Variants in PTPRZ1 observed in about 807,000 individuals in gnomAD.
PTPRZ1 encodes receptor-type tyrosine-protein phosphatase zeta.
A neutral mutation model predicts 214.1 loss-of-function variants in PTPRZ1; 82 were observed. That is an observed-to-expected ratio of 0.38 (90% CI 0.32 to 0.46). The LOEUF (loss-of-function observed/expected upper bound fraction) is 0.46, where lower values mean the gene tolerates loss of function less well. Among genes scored for constraint, PTPRZ1 ranks in the 20% least tolerant of loss-of-function variants. The pLI, the probability that PTPRZ1 is intolerant of heterozygous loss-of-function variation, is 1.00. For synonymous variants in PTPRZ1, 945 were observed against 987.9 expected (o/e 0.96, Z 0.81); for missense variants, 2,603 against 2,748.7 (o/e 0.95, Z 1.19).
At chr7:121,990,472 A>G (rs1424579101) in intron 8 of PTPRZ1, among the ~76,000 whole-genome samples, 1 of 149,904 alleles carries the variant, frequency 6.7e-6, no homozygotes, top group Non-Finnish European at 1.5e-5. Context: ...CACAGAATTT[A>G]ATAGAACCAT....
intron 2 of PTPRZ1, among the ~76,000 whole-genome samples, chr7:121,941,219 T>G (rs879380926): frequency 1.3e-5 from 2 of 152,148 alleles, no homozygotes; most frequent in Non-Finnish European, 2.9e-5. Flanking sequence ...AATGGAGAAA[T>G]AAAGAGACGT....
intron 2 of PTPRZ1, among the ~76,000 whole-genome samples, chr7:121,959,393 A>G (rs1796809642): frequency 6.6e-6 from 1 of 152,200 alleles, no homozygotes; most frequent in Non-Finnish European, 1.5e-5. Flanking sequence ...GCTATAATCA[A>G]CGTTGGGCAA....
chr7:121,966,374 G>A (rs1411231750), intron 2 of PTPRZ1, among the ~76,000 whole-genome samples: 1 of 152,140 alleles, frequency 6.6e-6, no homozygotes, highest in Non-Finnish European at 1.5e-5. Context: ...AAAAATGTGA[G>A]CAATGAAGAG....
chr7:122,018,347 T>C (rs1350804884), intron 12 of PTPRZ1, among the ~76,000 whole-genome samples: 1 of 152,202 alleles, frequency 6.6e-6, no homozygotes, highest in Non-Finnish European at 1.5e-5. Context: ...TTAAAGTGAT[T>C]TTCAAAGTGC....
intron 1 of PTPRZ1, among the ~76,000 whole-genome samples, chr7:121,877,668 T>A (rs1440434537): frequency 6.6e-6 from 1 of 152,150 alleles, no homozygotes; most frequent in Non-Finnish European, 1.5e-5. Flanking sequence ...ATACAGAGAC[T>A]TAAACTCATG....
intron 10 of PTPRZ1, among the ~76,000 whole-genome samples, chr7:122,000,675 A>ATATG (rs2116624582): frequency 1.1e-5 from 1 of 93,728 alleles, no homozygotes; most frequent in Admixed American, 1.0e-4. Flanking sequence ...ATATATATAT[A>ATATG]TATATATATA....
intron 8 of PTPRZ1, among the ~76,000 whole-genome samples, chr7:121,994,560 C>G (rs1007705255): frequency 6.6e-6 from 1 of 152,202 alleles, no homozygotes; most frequent in East Asian, 1.9e-4. Flanking sequence ...CACTTTAAAT[C>G]ATTCCCATTC....
At chr7:121,925,494 A>G (rs981092850) in intron 1 of PTPRZ1, among the ~76,000 whole-genome samples, 1 of 152,242 alleles carries the variant, frequency 6.6e-6, no homozygotes. Flanking sequence ...GATGAATAAA[A>G]TATGGTATAT....
chr7:121,908,863 A>G (rs551386188), intron 1 of PTPRZ1: 12 of 488,398 alleles, frequency 2.5e-5, no homozygotes, highest in South Asian at 1.8e-4. Flanking sequence ...ATGGAAATAT[A>G]TATAAAATAT....
Position 121,875,059 on chromosome 7 carries a change from T to A in PTPRZ1, c.58+1502T>A, listed in dbSNP as rs978917909. On this transcript the variant is annotated intron_variant, in intron 1 of 29. Transcript: ENST00000393386. ...GATCTCTTTGAAAAAAAAAAAAAGATAAAATTCACACATTATACAATTCAT... is the reference window on the plus strand; with the variant it reads ...GATCTCTTTGAAAAAAAAAAAAAGAAAAAATTCACACATTATACAATTCAT... Among the ~76,000 whole-genome samples the A allele has an allele frequency of 2.9e-3, 433 of 150,464 alleles. 2 individuals are homozygous for A. The highest frequency in any genetic ancestry group is 7.9e-3 in the Admixed American group (120 of 15,136).
chr7:121,908,934 T>A (rs1795194008), intron 1 of PTPRZ1: 1 of 517,054 alleles, frequency 1.9e-6, no homozygotes, highest in Non-Finnish European at 3.9e-6. Flanking sequence ...GGAATTCATT[T>A]AGGATTTGCA....
intron 1 of PTPRZ1, among the ~76,000 whole-genome samples, chr7:121,896,225 A>AAGTGT (rs903063128): frequency 6.6e-6 from 1 of 152,240 alleles, no homozygotes. Context: ...TTAAATTTTT[A>AAGTGT]AGTGTACAGT....
At chr7:122,042,977 C>A (rs1799777936) in intron 22 of PTPRZ1, among the ~76,000 whole-genome samples, 1 of 152,154 alleles carries the variant, frequency 6.6e-6, no homozygotes, top group South Asian at 2.1e-4. Flanking sequence ...CATTGCGTGG[C>A]TTGTGGCAGC....
chr7:121,991,187 T>G (rs2116593779), intron 8 of PTPRZ1, among the ~76,000 whole-genome samples: 1 of 152,356 alleles, frequency 6.6e-6, no homozygotes, highest in East Asian at 1.9e-4. Context: ...GAGGTTTAAA[T>G]GACCTAAAAT....
intron 11 of PTPRZ1, among the ~76,000 whole-genome samples, chr7:122,008,497 A>C (rs189235644): frequency 6.6e-6 from 1 of 152,260 alleles, no homozygotes; most frequent in African/African-American, 2.4e-5. Context: ...AGTGCGAATT[A>C]GCTTTAGAAA....
Position 122,013,144 on chromosome 7 carries a change from T to C in PTPRZ1, c.4098T>C (p.Ser1366=), listed in dbSNP as rs576380070. The C allele has an allele frequency of 2.5e-6, 4 of 1,614,106 alleles. No homozygotes were observed. The South Asian group carries it at 4.4e-5, about 18-fold the overall frequency. ...ATACATTTGTATCTACTGATCATTC[T>C]GTTCCTATAGGAAATGGGCATGTTG... The part of the protein sequence containing the change: ...ASDTFVSTDH[S]VPIGNGHVAI... Residue 1366 remains serine (S), a synonymous_variant, in exon 12 of 30, where the codon TCT becomes TCC. Coordinates refer to ENST00000393386, the MANE Select transcript of PTPRZ1 (RefSeq NM_002851.3).
intron 23 of PTPRZ1, among the ~76,000 whole-genome samples, chr7:122,046,010 A>G (rs1279585073): frequency 6.6e-6 from 1 of 152,212 alleles, no homozygotes; most frequent in Non-Finnish European, 1.5e-5. Context: ...GCAAGTACTT[A>G]TCAGACACCT....
intron 1 of PTPRZ1, among the ~76,000 whole-genome samples, chr7:121,926,579 A>G (rs925472573): frequency 3.9e-5 from 6 of 152,156 alleles, no homozygotes; most frequent in Admixed American, 1.3e-4. Flanking sequence ...TTCTGTTTAT[A>G]TGGAAATGTC....
chr7:122,058,405 A>G (rs1226403007), intron 27 of PTPRZ1, among the ~76,000 whole-genome samples: 9 of 152,024 alleles, frequency 5.9e-5, no homozygotes, highest in African/African-American at 1.2e-4. Context: ...AAGCCTGAGG[A>G]TTACTGATAA....
Sources: gnomAD v4.1 joint callset for allele counts (sites outside exome capture counted in the v4.1 genomes callset) on GRCh38, gnomAD v4.1.1 for gene constraint, MANE v1.5 for transcripts, NCBI Gene and HGNC (gene_info 2026-07-23, HGNC 2026-07-21) for gene names.